NCOA2: variants seen among roughly 807,000 people sequenced by gnomAD.
NCOA2 encodes class E basic helix-loop-helix protein 75.
Under a neutral mutation model 145.1 loss-of-function variants are expected in NCOA2, and 21 were observed. The observed-to-expected ratio is 0.14, with a 90% CI of 0.10 to 0.21. The LOEUF (loss-of-function observed/expected upper bound fraction) is 0.21, where lower values mean the gene tolerates loss of function less well. Ranked by LOEUF, NCOA2 falls within the 10% of genes least tolerant of loss-of-function variation. The probability of loss-of-function intolerance (pLI) is 1.00; values close to 1 mark genes in which losing one functional copy is unlikely to be tolerated. For synonymous variants in NCOA2, 619 were observed against 637.5 expected, an observed-to-expected ratio of 0.97 and a Z score of 0.44; for missense variants, 1,472 against 1,837.6, an observed-to-expected ratio of 0.80 and a Z score of 3.64.
At chr8:70,424,344 G>T in the NCOA2 span, 1 of 375,432 alleles carries the variant, frequency 2.7e-6, no homozygotes, top group South Asian at 2.2e-5. Flanking sequence ...AGAACCAGTT[G>T]GGGATCTTGA....
chr8:70,274,183 T>A (rs1825291026), intron 2 of NCOA2, among the ~76,000 whole-genome samples: 1 of 147,486 alleles, frequency 6.8e-6, no homozygotes. Context: ...GTAACACAGG[T>A]GGTATAAAGT....
chr8:70,208,042 A>G (rs4737302), intron 4 of NCOA2, among the ~76,000 whole-genome samples: 135,836 of 151,912 alleles, frequency 0.89, 61,169 homozygotes, highest in African/African-American at 0.95. Context: ...CTTGAGCTTA[A>G]GAGTTCGAGA....
intron 1 of NCOA2, among the ~76,000 whole-genome samples, chr8:70,303,281 TAA>T (rs1017808969): frequency 9.9e-5 from 15 of 152,136 alleles, no homozygotes; most frequent in African/African-American, 3.4e-4. Flanking sequence ...CTTCTACAGG[TAA>T]AAACTATGTA....
Position 70,267,090 on chromosome 8 carries a change from A to G in NCOA2, c.-20+29654T>C, listed in dbSNP as rs562913183. On this transcript the variant is annotated intron_variant, in intron 2 of 22. Coordinates refer to ENST00000452400, the MANE Select transcript of NCOA2 (RefSeq NM_006540.4). ...TCTTGTGATGTATATATACATCTAT[A>G]CAAGAACAATGGACTTGGAGTCAGA... Among the ~76,000 whole-genome samples the G allele has an allele frequency of 3.3e-5, 5 of 152,330 alleles. No individual in the cohort carries two copies. In the South Asian group the frequency reaches 1.0e-3, roughly 32 times the overall value.
rs766490582 is a variant in NCOA2, at chr8:70,141,258, G to T, written c.2954C>A (p.Ala985Glu). ...PVQGGMIRNPAASIPMRPSSQ... is the reference protein window; with the variant it reads ...PVQGGMIRNPEASIPMRPSSQ... ...GCTGGGCCTCATGGGGATGCTGGCT[G>T]CTGGGTTCCGAATCATACCTCCTTG... The change falls in exon 14 of 23, where the codon GCA (alanine) becomes GAA (glutamate). Residue 985 changes from alanine to glutamate, a missense_variant. Ala to Glu is a moderately radical substitution (Grantham distance 107). Around this residue, in one of 4 missense-constraint regions of NCOA2, gnomAD observed 953 missense variants for 1,062.1 expected, o/e 0.90. Transcript: ENST00000452400. 25 of 1,613,916 alleles carry T rather than the reference G, an allele frequency of 1.5e-5. No individual in the cohort carries two copies. In the South Asian group the frequency reaches 2.7e-4, roughly 18 times the overall value.
At chr8:70,280,460 C>T (rs940471039) in intron 2 of NCOA2, among the ~76,000 whole-genome samples, 3 of 152,118 alleles carry the variant, frequency 2.0e-5, no homozygotes, top group African/African-American at 4.8e-5. Flanking sequence ...ATTGAAGGGT[C>T]AGGTTTGGTT....
intron 16 of NCOA2, among the ~76,000 whole-genome samples, chr8:70,130,038 C>A (rs1808911054): frequency 6.6e-6 from 1 of 152,214 alleles, no homozygotes; most frequent in Non-Finnish European, 1.5e-5. Context: ...AGTGCTGGAG[C>A]CGCCCAGAGC....
chr8:70,144,957 A>G (rs1563518284), intron 12 of NCOA2, 109 bp from the exon 13 acceptor site: 6 of 938,058 alleles, frequency 6.4e-6, no homozygotes, highest in Non-Finnish European at 9.9e-6. Context: ...TATGTATGTC[A>G]GGGACCAACT....
intron 14 of NCOA2, among the ~76,000 whole-genome samples, chr8:70,139,597 G>A (rs1165422976): frequency 1.4e-5 from 2 of 144,446 alleles, no homozygotes; most frequent in Admixed American, 1.4e-4. Flanking sequence ...CTAATGCCAA[G>A]TTAGGATGAA....
intron 1 of NCOA2, among the ~76,000 whole-genome samples, chr8:70,363,090 A>AAG (rs1810364840): frequency 6.7e-6 from 1 of 149,990 alleles, no homozygotes; most frequent in East Asian, 2.0e-4. Flanking sequence ...AAAAAAAAAA[A>AAG]AAAAAAAAAA....
intron 22 of NCOA2, among the ~76,000 whole-genome samples, chr8:70,114,774 A>G (rs1211747961): frequency 1.3e-5 from 2 of 152,350 alleles, no homozygotes; most frequent in African/African-American, 4.8e-5. Flanking sequence ...ATTAGAAATT[A>G]TCTAATTTAA....
chr8:70,248,377 T>C (rs939922726), intron 2 of NCOA2, among the ~76,000 whole-genome samples: 1 of 152,190 alleles, frequency 6.6e-6, no homozygotes, highest in Non-Finnish European at 1.5e-5. Flanking sequence ...TCAGGCAAAC[T>C]CCACATCTCC....
chr8:70,323,090 C>A (rs559431406), intron 1 of NCOA2, among the ~76,000 whole-genome samples: 2 of 152,240 alleles, frequency 1.3e-5, no homozygotes, highest in South Asian at 4.1e-4. Context: ...TTAACGAATA[C>A]GTAAACTACT....
chr8:70,246,858 A>AT (rs147329699), intron 2 of NCOA2, among the ~76,000 whole-genome samples: 8,388 of 152,250 alleles, frequency 0.055, 300 homozygotes, highest in East Asian at 0.16. Flanking sequence ...TTAATACCAG[A>AT]TCAAGACAGA....
intron 17 of NCOA2, 56 bp from the exon 18 acceptor site, chr8:70,128,566 A>C (rs1448469699): frequency 1.3e-6 from 2 of 1,595,638 alleles, no homozygotes; most frequent in East Asian, 2.2e-5. Flanking sequence ...ATTTTACTTT[A>C]AATCAAGTTT....
At chr8:70,184,115 A>T (rs1394786172) in intron 4 of NCOA2, among the ~76,000 whole-genome samples, 1 of 152,162 alleles carries the variant, frequency 6.6e-6, no homozygotes, top group Non-Finnish European at 1.5e-5. Context: ...ATGAGAAAAA[A>T]GGTCAGACCG....
chr8:70,374,842 C>T (rs1440380173), intron 1 of NCOA2, among the ~76,000 whole-genome samples: 2 of 149,922 alleles, frequency 1.3e-5, no homozygotes, highest in South Asian at 2.1e-4. Flanking sequence ...TATGCCGATA[C>T]GTTAAAAAAA....
chr8:70,358,415 T>G (rs934802819), intron 1 of NCOA2, among the ~76,000 whole-genome samples: 12 of 152,182 alleles, frequency 7.9e-5, no homozygotes, highest in African/African-American at 2.9e-4. Context: ...TAAAGACCCA[T>G]ATAAAAATCA....
the NCOA2 span, among the ~76,000 whole-genome samples, chr8:70,414,765 G>A: frequency 6.6e-6 from 1 of 152,152 alleles, no homozygotes; most frequent in African/African-American, 2.4e-5. Flanking sequence ...ATAAGTGCAT[G>A]AAGATTGTTT....
Sources: allele counts gnomAD v4.1 joint callset (sites outside exome capture counted in the v4.1 genomes callset), GRCh38; gene constraint gnomAD v4.1.1; regional missense constraint gnomAD v4.1.1; transcripts MANE v1.5; gene names NCBI Gene and HGNC (gene_info 2026-07-23, HGNC 2026-07-21).